The following ZNF717 variants were observed in gnomAD, a reference collection of about 807,000 sequenced individuals.
The protein encoded by ZNF717 is krueppel-like factor X17.
ZNF717 carries 9 observed loss-of-function variants against 13.8 expected under a neutral mutation model. The ratio of observed to expected loss-of-function variants is 0.65; its 90% CI spans 0.39 to 1.14. The LOEUF is 1.14. ZNF717 is among the 50% of genes most tolerant of loss of function. The probability of loss-of-function intolerance (pLI) is 0.01; values close to 1 mark genes in which losing one functional copy is unlikely to be tolerated. For missense variants in ZNF717, 1,040 were observed against 1,080.7 expected, an observed-to-expected ratio of 0.96 and a Z score of 0.53; for synonymous variants, 327 against 364.1, an observed-to-expected ratio of 0.90 and a Z score of 1.16.
At chr3:75,735,065 T>A (rs1938994739), downstream of ZNF717, among the ~76,000 whole-genome samples, 1 of 152,166 alleles carries the variant, frequency 6.6e-6, no homozygotes, top group Admixed American at 6.5e-5. Context: ...GACCTCATGA[T>A]CCACCTGTCT....
intron 2 of ZNF717, among the ~76,000 whole-genome samples, chr3:75,751,775 C>T (rs1283635242): frequency 6.6e-6 from 1 of 151,786 alleles, no homozygotes; most frequent in Admixed American, 6.6e-5. Context: ...CAGAACAATG[C>T]TATGACTGTA....
At chr3:75,782,392 T>C (rs1211461705) in intron 2 of ZNF717, among the ~76,000 whole-genome samples, 1 of 152,198 alleles carries the variant, frequency 6.6e-6, no homozygotes, top group Non-Finnish European at 1.5e-5. Context: ...GTTTCATCCA[T>C]GAATCAAGGA....
At position 75,737,783 on chromosome 3, in the gene ZNF717, T is replaced by C; in HGVS notation, c.1840A>G (p.Thr614Ala). The change falls in exon 5 of 5, where the codon ACA becomes GCA. Residue 614 changes from threonine to alanine, a missense_variant. Thr to Ala is a moderately conservative substitution (Grantham distance 58). Transcript: ENST00000652011. ...LNLGIHKRTHTGERPYECNEC... is the reference protein window; with the variant it reads ...LNLGIHKRTHAGERPYECNEC... ...TTACATTCATAGGGTCTTTCCCCTG[T>C]GTGAGTTCTCTTGTGTATCCCAAGG... The C allele has an allele frequency of 4.5e-6, 7 of 1,551,594 alleles. No individual in the cohort carries two copies. The highest frequency in any genetic ancestry group is 6.1e-6 in the Non-Finnish European group (7 of 1,146,838).
Position 75,737,446 on chromosome 3 carries a change from C to T in ZNF717, c.2177G>A (p.Arg726Gln), listed in dbSNP as rs76585055. 14 of 1,555,064 alleles carry T rather than the reference C, an allele frequency of 9.0e-6. No individual in the cohort carries two copies. The East Asian group carries it at 1.2e-4, about 14-fold the overall frequency. The change falls in exon 5 of 5, where the codon CGG (arginine) becomes CAG (glutamine). Residue 726 changes from arginine to glutamine, a missense_variant. Arg to Gln is a conservative substitution (Grantham distance 43). Transcript: ENST00000652011. ...QIFRSIKVFT[R>Q]GRNPMNVANV... ...TGCTACATTCATAGGGTTTCTCCCC[C>T]GTGTGAATACCTTGATGCTTCTGAA...
At chr3:75,702,584 A>G (rs1937717536) in intron 6 of ZNF717, among the ~76,000 whole-genome samples, 2 of 152,304 alleles carry the variant, frequency 1.3e-5, no homozygotes, top group Non-Finnish European at 2.9e-5. Context: ...TTATAGTAAA[A>G]CATAATTTAT....
Position 75,737,580 on chromosome 3 carries a change from T to C in ZNF717, c.2043A>G (p.Glu681=), listed in dbSNP as rs17028812. The C allele has an allele frequency of 4.6e-3, 7,062 of 1,544,142 alleles. 129 individuals are homozygous for C. In the African/African-American group the frequency reaches 0.079, roughly 17 times the overall value. The stretch of plus-strand genomic sequence containing the variant: ...AGGTATGATTTCTGACAAAAAGTTT[T>C]TCCACATTCATTACATCCATACGGT... ...GKNRMDVMNV[E]KLFVRNHTLL... The change falls in exon 5 of 5, where the codon GAA becomes GAG. Residue 681 remains glutamate (E), a synonymous_variant. Coordinates refer to ENST00000652011, the MANE Select transcript of ZNF717 (RefSeq NM_001290208.3).
At chr3:75,759,278 ATTTTT>A (rs57052931) in intron 2 of ZNF717, among the ~76,000 whole-genome samples, 1 of 121,696 alleles carries the variant, frequency 8.2e-6, no homozygotes, top group African/African-American at 2.9e-5. Flanking sequence ...TGGTCATCTA[ATTTTT>A]TTTTTTTTTT....
intron 2 of ZNF717, among the ~76,000 whole-genome samples, chr3:75,781,418 G>A (rs111619822): frequency 0.022 from 3,285 of 152,202 alleles, 123 homozygotes; most frequent in African/African-American, 0.074. Context: ...GGGACTCTCC[G>A]ATTCATGAAT....
chr3:75,748,955 C>T (rs111462472), intron 2 of ZNF717, among the ~76,000 whole-genome samples: 253 of 152,118 alleles, frequency 1.7e-3, no homozygotes, highest in African/African-American at 5.3e-3. Context: ...AACACTACTG[C>T]TGTGGTCCGA....
At chr3:75,756,373 A>T (rs1017108997) in intron 2 of ZNF717, among the ~76,000 whole-genome samples, 2 of 152,214 alleles carry the variant, frequency 1.3e-5, no homozygotes, top group Non-Finnish European at 2.9e-5. Context: ...TATGTGTTCA[A>T]GTGAAAGAAG....
At chr3:75,699,358 T>C (rs1323545508) in intron 6 of ZNF717, among the ~76,000 whole-genome samples, 11 of 152,300 alleles carry the variant, frequency 7.2e-5, no homozygotes, top group African/African-American at 2.4e-4. Flanking sequence ...CAAAATGATA[T>C]AGTTTGGGTG....
At chr3:75,723,481 AC>A (rs1478298780) in intron 4 of ZNF717, among the ~76,000 whole-genome samples, 6 of 152,260 alleles carry the variant, frequency 3.9e-5, no homozygotes, top group Non-Finnish European at 7.3e-5. Flanking sequence ...GAATACTTGT[AC>A]TAGAAATAGA....
chr3:75,752,496 A>G (rs1404748635), intron 2 of ZNF717, among the ~76,000 whole-genome samples: 3 of 145,326 alleles, frequency 2.1e-5, no homozygotes, highest in Non-Finnish European at 4.5e-5. Flanking sequence ...TGTGGTCTGA[A>G]TATTTGTCCC....
downstream of ZNF717, among the ~76,000 whole-genome samples, chr3:75,735,635 T>TAAAAAAAA (rs149366090): frequency 7.5e-5 from 6 of 79,846 alleles, no homozygotes; most frequent in South Asian, 5.9e-4. Flanking sequence ...ACTGTCTCAA[T>TAAAAAAAA]AAAAAAAAAA....
At chr3:75,713,252 G>A (rs1325515335) in intron 5 of ZNF717, among the ~76,000 whole-genome samples, 1 of 152,198 alleles carries the variant, frequency 6.6e-6, no homozygotes, top group East Asian at 1.9e-4. Context: ...CTGGGCTCAA[G>A]CAATCCTCCC....
intron 2 of ZNF717, among the ~76,000 whole-genome samples, chr3:75,767,604 T>C (rs1943585759): frequency 6.6e-6 from 1 of 152,106 alleles, no homozygotes; most frequent in African/African-American, 2.4e-5. Context: ...AAAATGTCAT[T>C]GGAAACTGGA....
At chr3:75,755,739 T>C (rs1451796875) in intron 2 of ZNF717, among the ~76,000 whole-genome samples, 1 of 152,132 alleles carries the variant, frequency 6.6e-6, no homozygotes, top group East Asian at 1.9e-4. Context: ...AAGAAGTACA[T>C]GCTAAGAAAG....
At chr3:75,725,086 C>T (rs78244277), downstream of ZNF717, among the ~76,000 whole-genome samples, 4 of 52,452 alleles carry the variant, frequency 7.6e-5, no homozygotes, top group Non-Finnish European at 2.1e-4. Context: ...GAAACCCTCC[C>T]TCCCTCTCAT....
At chr3:75,769,791 C>A (rs543057258) in intron 2 of ZNF717, among the ~76,000 whole-genome samples, 51 of 152,202 alleles carry the variant, frequency 3.4e-4, no homozygotes, top group African/African-American at 1.2e-3. Context: ...TGCACACATC[C>A]GTTTTTCCTT....
Sources: gnomAD v4.1 joint callset for allele counts (sites outside exome capture counted in the v4.1 genomes callset) on GRCh38, gnomAD v4.1.1 for gene constraint, MANE v1.5 for transcripts, NCBI Gene and HGNC (gene_info 2026-07-23, HGNC 2026-07-21) for gene names.